CDH18: variants seen among roughly 807,000 people sequenced by gnomAD.
The protein encoded by CDH18 is cadherin 18.
In CDH18, 31 loss-of-function variants were observed where a neutral mutation model predicts 67.9. The ratio of observed to expected loss-of-function variants is 0.46; its 90% CI spans 0.34 to 0.62. The LOEUF is 0.62. Ranked by LOEUF, CDH18 falls within the 20% of genes least tolerant of loss-of-function variation. CDH18 has a pLI of 0.01. For synonymous variants in CDH18, 362 were observed against 347.2 expected (o/e 1.04, Z -0.48); for missense variants, 890 against 975.5 (o/e 0.91, Z 1.17).
chr5:19,728,584 CAT>C (rs1767169743), intron 4 of CDH18, among the ~76,000 whole-genome samples: 1 of 152,072 alleles, frequency 6.6e-6, no homozygotes, highest in Non-Finnish European at 1.5e-5. Context: ...TGCATAGACA[CAT>C]ATCAATGAGA....
intron 3 of CDH18, among the ~76,000 whole-genome samples, chr5:19,832,443 A>G (rs1008461916): frequency 6.6e-6 from 1 of 152,098 alleles, no homozygotes; most frequent in Non-Finnish European, 1.5e-5. Context: ...TGTTGACAAA[A>G]TGTTTGCTGG....
chr5:19,835,712 A>C (rs2150011857), intron 3 of CDH18, among the ~76,000 whole-genome samples: 1 of 152,196 alleles, frequency 6.6e-6, no homozygotes, highest in Admixed American at 6.5e-5. Flanking sequence ...AAATCTGTAC[A>C]ATTAAGTTAG....
intron 1 of CDH18, among the ~76,000 whole-genome samples, chr5:20,411,080 AT>A (rs1218591347): frequency 2.0e-5 from 3 of 152,002 alleles, no homozygotes; most frequent in South Asian, 2.1e-4. Flanking sequence ...GTCCCAATTA[AT>A]TTTTTATAAA....
intron 4 of CDH18, among the ~76,000 whole-genome samples, chr5:19,734,276 A>G (rs1417455920): frequency 6.6e-6 from 1 of 152,186 alleles, no homozygotes; most frequent in Non-Finnish European, 1.5e-5. Flanking sequence ...CCTCTTAGTA[A>G]GTGTGGCTGG....
At chr5:19,701,139 G>A (rs1209266527) in intron 5 of CDH18, among the ~76,000 whole-genome samples, 1 of 151,960 alleles carries the variant, frequency 6.6e-6, no homozygotes, top group Non-Finnish European at 1.5e-5. Context: ...TTGTATATTT[G>A]GGAAAATCTC....
At chr5:20,225,799 A>G (rs574704703) in intron 2 of CDH18, among the ~76,000 whole-genome samples, 14 of 152,138 alleles carry the variant, frequency 9.2e-5, no homozygotes, top group Non-Finnish European at 2.1e-4. Context: ...TGGTGTTTTG[A>G]TCAGTAGGAG....
chr5:19,719,142 T>C (rs1217620686), intron 5 of CDH18, among the ~76,000 whole-genome samples: 2 of 152,032 alleles, frequency 1.3e-5, no homozygotes, highest in Non-Finnish European at 2.9e-5. Flanking sequence ...TGTTAACCAA[T>C]TGTATGCATA....
intron 9 of CDH18, among the ~76,000 whole-genome samples, chr5:19,536,152 C>T (rs1200825742): frequency 6.6e-6 from 1 of 151,852 alleles, no homozygotes; most frequent in Non-Finnish European, 1.5e-5. Context: ...TAAGTTAGAC[C>T]AGATTTCTAA....
chr5:20,419,556 A>G (rs1217057303), intron 1 of CDH18, among the ~76,000 whole-genome samples: 1 of 137,666 alleles, frequency 7.3e-6, no homozygotes, highest in African/African-American at 2.8e-5. Flanking sequence ...GCTCACTGCA[A>G]GCTCTGCCTC....
At chr5:19,687,362 G>A (rs964758150) in intron 5 of CDH18, among the ~76,000 whole-genome samples, 1 of 152,162 alleles carries the variant, frequency 6.6e-6, no homozygotes, top group Non-Finnish European at 1.5e-5. Flanking sequence ...TCAGTCACTG[G>A]AGTTCACTGA....
intron 2 of CDH18, among the ~76,000 whole-genome samples, chr5:20,211,987 C>T (rs770804143): frequency 2.0e-5 from 3 of 152,040 alleles, no homozygotes; most frequent in African/African-American, 4.8e-5. Context: ...CTTCTCTGAG[C>T]AAAAGGAGGA....
intron 1 of CDH18, among the ~76,000 whole-genome samples, chr5:20,488,890 CG>C (rs1338823190): frequency 6.6e-6 from 1 of 151,738 alleles, no homozygotes; most frequent in Non-Finnish European, 1.5e-5. Context: ...AAAGAACCTG[CG>C]GTTTTAATTT....
chr5:20,367,817 G>A (rs926782672), intron 1 of CDH18, among the ~76,000 whole-genome samples: 2 of 151,962 alleles, frequency 1.3e-5, no homozygotes, highest in Admixed American at 6.6e-5. Context: ...TCTTTAATTG[G>A]TTGTACTCCT....
chr5:19,525,373 T>C (rs1580000173), intron 9 of CDH18, among the ~76,000 whole-genome samples: 1 of 151,186 alleles, frequency 6.6e-6, no homozygotes, highest in Admixed American at 6.6e-5. Context: ...TCTGTAACAA[T>C]GATTAAAAGC....
At chr5:20,248,458 A>G (rs548588283) in intron 2 of CDH18, among the ~76,000 whole-genome samples, 1 of 152,274 alleles carries the variant, frequency 6.6e-6, no homozygotes, top group African/African-American at 2.4e-5. Flanking sequence ...CACAAGCACA[A>G]ATTCTCCTTG....
At chr5:19,522,239 A>G (rs1747014696) in intron 9 of CDH18, among the ~76,000 whole-genome samples, 1 of 152,088 alleles carries the variant, frequency 6.6e-6, no homozygotes, top group South Asian at 2.1e-4. Context: ...ATATTCATAT[A>G]TTCTAAAAAC....
At chr5:20,257,887 T>G (rs978050404) in intron 1 of CDH18, among the ~76,000 whole-genome samples, 3 of 152,152 alleles carry the variant, frequency 2.0e-5, no homozygotes, top group African/African-American at 7.2e-5. Flanking sequence ...CATTTTCATG[T>G]CTGAGCTCTT....
intron 1 of CDH18, among the ~76,000 whole-genome samples, chr5:20,571,557 G>A (rs1395050272): frequency 6.6e-6 from 1 of 151,998 alleles, no homozygotes; most frequent in African/African-American, 2.4e-5. Context: ...TTTGTGTATT[G>A]TATATGCTTT....
At chr5:20,044,518 A>G (rs767818799) in intron 2 of CDH18, among the ~76,000 whole-genome samples, 7 of 152,140 alleles carry the variant, frequency 4.6e-5, no homozygotes, top group Non-Finnish European at 8.8e-5. Flanking sequence ...ATCAATTTTA[A>G]CCTACAAAAA....
Sources: allele counts gnomAD v4.1 joint callset (sites outside exome capture counted in the v4.1 genomes callset), GRCh38; gene constraint gnomAD v4.1.1; transcripts MANE v1.5; gene names NCBI Gene and HGNC (gene_info 2026-07-23, HGNC 2026-07-21).